The following WASHC4 variants were observed in gnomAD, a reference collection of about 807,000 sequenced individuals.
WASHC4 encodes WASH complex subunit 7.
Under a neutral mutation model 166.6 loss-of-function variants are expected in WASHC4, and 86 were observed. That is an observed-to-expected ratio of 0.52 (90% confidence interval 0.43 to 0.62). WASHC4 has a LOEUF of 0.62. Ranked by LOEUF, WASHC4 falls within the 20% of genes least tolerant of loss-of-function variation. The pLI is 0.00. For synonymous variants in WASHC4, 446 were observed against 451.6 expected (o/e 0.99, Z 0.16); for missense variants, 1,262 against 1,382.4 (o/e 0.91, Z 1.38).
intron 29 of WASHC4, among the ~76,000 whole-genome samples, chr12:105,160,472 T>C (rs1884428341): frequency 6.6e-6 from 1 of 151,900 alleles, no homozygotes. Flanking sequence ...TCAGCCTCCC[T>C]AGTAGCTGGG....
At chr12:105,120,001 G>GCGGGAGGATAGCTTGAGCC (rs1470086660) in intron 7 of WASHC4, among the ~76,000 whole-genome samples, 1 of 152,186 alleles carries the variant, frequency 6.6e-6, no homozygotes, top group Non-Finnish European at 1.5e-5. Flanking sequence ...GAGGCAAGAG[G>GCGGGAGGATAGCTTGAGCC]CGGGAGGATA....
intron 9 of WASHC4, among the ~76,000 whole-genome samples, chr12:105,121,547 T>C (rs531819685): frequency 5.9e-5 from 9 of 152,314 alleles, no homozygotes; most frequent in African/African-American, 2.2e-4. Flanking sequence ...CTCACTGTGT[T>C]GCCAGGCTGG....
intron 6 of WASHC4, among the ~76,000 whole-genome samples, chr12:105,116,993 T>A (rs955849744): frequency 6.6e-6 from 1 of 152,226 alleles, no homozygotes; most frequent in African/African-American, 2.4e-5. Flanking sequence ...AAAATGTAGT[T>A]GGTAAGGTCC....
At chr12:105,109,329 A>G (rs1879420050) in intron 1 of WASHC4, among the ~76,000 whole-genome samples, 1 of 152,226 alleles carries the variant, frequency 6.6e-6, no homozygotes, top group African/African-American at 2.4e-5. Flanking sequence ...TTCAGCCTGG[A>G]GTAGAATGGT....
chr12:105,131,599 C>T (rs537088012), intron 13 of WASHC4, among the ~76,000 whole-genome samples: 1 of 152,206 alleles, frequency 6.6e-6, no homozygotes, highest in Non-Finnish European at 1.5e-5. Context: ...AGGTCTCTTT[C>T]TGTGGTCCTT....
chr12:105,152,127 A>G (rs1005778025), intron 25 of WASHC4, among the ~76,000 whole-genome samples: 6 of 152,212 alleles, frequency 3.9e-5, no homozygotes, highest in African/African-American at 1.4e-4. Context: ...AAATTAGGTT[A>G]GTGGCATTGA....
intron 16 of WASHC4, 52 bp from the exon 17 acceptor site, chr12:105,140,845 TGA>T: frequency 6.5e-7 from 1 of 1,548,462 alleles, no homozygotes; most frequent in Non-Finnish European, 8.9e-7. Flanking sequence ...GTTTTTCTTC[TGA>T]GTCTTTTGTT....
chr12:105,138,665 G>A (rs1159624993), intron 15 of WASHC4, among the ~76,000 whole-genome samples: 2 of 152,050 alleles, frequency 1.3e-5, no homozygotes, highest in Non-Finnish European at 2.9e-5. Flanking sequence ...CCTAATAATT[G>A]ACTAGATTTG....
Position 105,140,977 on chromosome 12 carries a change from C to T in WASHC4, c.1639C>T (p.Leu547=). 1 of 1,614,116 alleles carries T rather than the reference C, an allele frequency of 6.2e-7. No homozygotes were observed. The highest frequency in any genetic ancestry group is 8.5e-7 in the Non-Finnish European group (1 of 1,179,992). The change falls in exon 17 of 33, where the codon CTA becomes TTA. Residue 547 remains leucine (L), a synonymous_variant. Transcript: ENST00000332180. ...TGCTCTAGTTTTGGCTGAAAACACT[C>T]TAAATGGACCAAGCACAAAGCAACG... ...LSALVLAENT[L]NGPSTKQRRL...
Position 105,141,170 on chromosome 12 carries a change from A to G in WASHC4, c.1711A>G (p.Thr571Ala), listed in dbSNP as rs771505913. ...LALSVGTQMK[T>A]FKDEELFPLQ... is the part of the protein sequence containing the mutation. ...CTTTTTTTCCTGTCCCTGATAGAAA[A>G]CATTTAAAGATGAAGAACTCTTTCC... Residue 571 changes from threonine (T) to alanine (A), a missense_variant, in exon 18 of 33, where the codon ACA becomes GCA. Thr to Ala is a moderately conservative substitution (Grantham distance 58, BLOSUM62 0). Transcript: ENST00000332180. 8 of 1,613,254 alleles carry G rather than the reference A, an allele frequency of 5.0e-6. No individual in the cohort carries two copies. In the Admixed American group the frequency reaches 1.2e-4, roughly 24 times the overall value.
At chr12:105,121,045 T>G in intron 8 of WASHC4, 56 bp from the exon 9 acceptor site, 342 of 1,157,804 alleles carry the variant, frequency 3.0e-4, no homozygotes, top group Non-Finnish European at 4.1e-4. Context: ...AACGTCTACA[T>G]GAGGCTTAAC....
intron 10 of WASHC4, among the ~76,000 whole-genome samples, chr12:105,124,334 G>A (rs1454010446): frequency 6.6e-6 from 1 of 151,928 alleles, no homozygotes; most frequent in Non-Finnish European, 1.5e-5. Context: ...GGTCAGGCTG[G>A]TCTTGAACTC....
At chr12:105,137,852 T>A (rs199884999) in intron 14 of WASHC4, 34 bp from the exon 15 acceptor site, 1 of 1,567,404 alleles carries the variant, frequency 6.4e-7, no homozygotes, top group African/African-American at 1.4e-5. Context: ...AGAAAATCTT[T>A]CCTTGTGATT....
intron 2 of WASHC4, among the ~76,000 whole-genome samples, chr12:105,112,189 G>A (rs146255323): frequency 1.3e-5 from 2 of 151,808 alleles, no homozygotes; most frequent in East Asian, 3.9e-4. Context: ...TTTAACTTAT[G>A]TTTTCAAGGC....
In WASHC4 at chr12:105,156,747, G is replaced by A. The variant is rs1305038419; in HGVS notation, c.2780G>A (p.Arg927Gln). 2.5e-6 allele frequency: 4 copies of A among 1,611,854 alleles called. No homozygotes were observed. Among genetic ancestry groups the A allele is most frequent in the Middle Eastern group, 3.3e-4 (2 of 6,074 alleles). The change falls in exon 27 of 33, where the codon CGA becomes CAA. Residue 927 changes from arginine to glutamine, a missense_variant. Coordinates refer to ENST00000332180, the MANE Select transcript of WASHC4 (RefSeq NM_015275.3). ...SQIGNAMGYV[R>Q]MIRSGGLHCS... ...TAAGGTAATGCTATGGGCTATGTAC[G>A]AATGATAAGATCTGGTGGTCTTCAT...
Position 105,169,112 on chromosome 12 carries a change from A to G in WASHC4, c.*2181A>G, listed in dbSNP as rs1328753017. 1 of 152,614 alleles carries G rather than the reference A, an allele frequency of 6.6e-6. No individual in the cohort carries two copies. Among genetic ancestry groups the G allele is most frequent in the East Asian group, 1.9e-4 (1 of 5,200 alleles). 9.5% of individuals were successfully genotyped at this position (152,614 alleles called of 1,614,324 possible). ...ATATAATGTGTATACTAAAACATTA[A>G]TAAACATAATTTTGAAAATTTCCTT... On this transcript the variant is annotated 3_prime_UTR_variant, in exon 33 of 33. Coordinates refer to ENST00000332180, the MANE Select transcript of WASHC4 (RefSeq NM_015275.3).
At chr12:105,133,984 T>G (rs574812844) in intron 14 of WASHC4, 88 bp downstream of exon 14, 1 of 1,276,416 alleles carries the variant, frequency 7.8e-7, no homozygotes, top group Admixed American at 1.8e-5. Context: ...AAGGGTAGAG[T>G]ATGTTTTTGT....
chr12:105,150,641 G>A lies in WASHC4; in HGVS notation c.2649+892G>A, dbSNP rs554056239. Among the ~76,000 whole-genome samples, 8 of 152,286 alleles carry A rather than the reference G, an allele frequency of 5.3e-5. No individual in the cohort carries two copies. The South Asian group carries it at 6.2e-4, about 12-fold the overall frequency. On this transcript the variant is annotated intron_variant, in intron 25 of 32. Transcript: ENST00000332180. ...TCTACTAATAATACCAAAATTAGCC[G>A]GGCATGGTGGCACATGCCTGAAGTC...
In WASHC4 at chr12:105,142,570, A is replaced by AC; in HGVS notation, c.1893+13dup. 1 of 1,338,862 alleles carries AC rather than the reference A, an allele frequency of 7.5e-7. No individual in the cohort carries two copies. Among genetic ancestry groups the AC allele is most frequent in the African/African-American group, 1.4e-5 (1 of 69,556 alleles). 82.9% of individuals were successfully genotyped at this position (1,338,862 alleles called of 1,614,324 possible). A position where few individuals can be genotyped will look rare whatever the true frequency, so the allele number is the denominator to read the frequency against. Reference sequence around the variant, plus strand: ...CAGCCAGATTACATGTAAGTAAAGAACAATATAAAGAATAATTCTATCATT... The same window carrying AC: ...CAGCCAGATTACATGTAAGTAAAGAACCAATATAAAGAATAATTCTATCATT... On this transcript the variant is annotated intron_variant, in intron 19 of 32. Transcript: ENST00000332180.
Sources: gnomAD v4.1 joint callset for allele counts (sites outside exome capture counted in the v4.1 genomes callset) on GRCh38, gnomAD v4.1.1 for gene constraint, MANE v1.5 for transcripts, NCBI Gene and HGNC (gene_info 2026-07-23, HGNC 2026-07-21) for gene names.